TTC28: variants seen among roughly 807,000 people sequenced by gnomAD.
TTC28 encodes the protein tetratricopeptide repeat domain 28, also known as tetratricopeptide repeat protein 28.
TTC28 carries 61 observed loss-of-function variants against 198.0 expected under a neutral mutation model. The observed-to-expected ratio is 0.31, with a 90% CI of 0.25 to 0.38. TTC28 has a LOEUF of 0.38. Ranked by LOEUF, TTC28 falls within the 10% of genes least tolerant of loss-of-function variation. The pLI is 1.00. For missense variants in TTC28, 2,678 were observed against 3,164.0 expected (o/e 0.85, Z 3.69); for synonymous variants, 1,171 against 1,297.8 (o/e 0.90, Z 2.10).
At chr22:28,618,673 C>A in intron 2 of TTC28, among the ~76,000 whole-genome samples, 1 of 140,122 alleles carries the variant, frequency 7.1e-6, no homozygotes. Flanking sequence ...CAGAGCAAGA[C>A]TCTGTCTCCA....
intron 3 of TTC28, among the ~76,000 whole-genome samples, chr22:28,299,437 C>T (rs778145421): frequency 6.6e-6 from 1 of 152,000 alleles, no homozygotes; most frequent in Non-Finnish European, 1.5e-5. Context: ...CATTTTTTTC[C>T]TTCAATCAGA....
At chr22:28,030,449 C>A in intron 12 of TTC28, 83 bp from the exon 13 acceptor site, 1 of 1,509,834 alleles carries the variant, frequency 6.6e-7, no homozygotes, top group Non-Finnish European at 8.9e-7. Context: ...CTATGCCATT[C>A]TGTCACCAAA....
chr22:27,982,192 G>A lies in TTC28; in HGVS notation c.*29C>T, dbSNP rs1486933471. On this transcript the variant is annotated 3_prime_UTR_variant, in exon 23 of 23. Coordinates refer to ENST00000397906, the MANE Select transcript of TTC28 (RefSeq NM_001145418.2). The surrounding 1 kb of genome is among the most constrained non-coding windows in gnomAD (Gnocchi z 5.2). ...AACGCCAGGCCCCCATCTGCAGGCTGCTCAGAGTCAGTGGGTATAAAAGAT... is the reference window on the plus strand; with the variant it reads ...AACGCCAGGCCCCCATCTGCAGGCTACTCAGAGTCAGTGGGTATAAAAGAT... The A allele has an allele frequency of 6.9e-6, 10 of 1,457,134 alleles. No individual in the cohort carries two copies. The highest frequency in any genetic ancestry group is 8.2e-6 in the Non-Finnish European group (9 of 1,103,756). 90.3% of individuals were successfully genotyped at this position (1,457,134 alleles called of 1,614,324 possible).
chr22:28,049,001 GA>G (rs1601559796), intron 12 of TTC28, among the ~76,000 whole-genome samples: 1 of 152,272 alleles, frequency 6.6e-6, no homozygotes, highest in East Asian at 1.9e-4. Flanking sequence ...CCTACTAGGT[GA>G]ATAACTCCTT....
intron 12 of TTC28, among the ~76,000 whole-genome samples, chr22:28,046,732 C>A (rs1939878778): frequency 6.6e-6 from 1 of 152,110 alleles, no homozygotes; most frequent in African/African-American, 2.4e-5. Flanking sequence ...AATATATACA[C>A]AGGCTGCCTG....
intron 12 of TTC28, among the ~76,000 whole-genome samples, chr22:28,040,721 G>A (rs1202906940): frequency 6.6e-6 from 1 of 152,146 alleles, no homozygotes; most frequent in East Asian, 1.9e-4. Flanking sequence ...ACATAGTGTT[G>A]GAAGTTCTGG....
chr22:28,115,431 T>A (rs1345073894), intron 6 of TTC28, among the ~76,000 whole-genome samples: 1 of 152,198 alleles, frequency 6.6e-6, no homozygotes, highest in East Asian at 1.9e-4. Flanking sequence ...ACACAAATAT[T>A]TGCATCATGT....
intron 13 of TTC28, among the ~76,000 whole-genome samples, chr22:28,017,549 C>A (rs909655635): frequency 1.3e-5 from 2 of 152,136 alleles, no homozygotes; most frequent in African/African-American, 2.4e-5. Flanking sequence ...AACAGAGGAA[C>A]AACATAGGGA....
chr22:27,993,194 C>T, intron 18 of TTC28, 93 bp downstream of exon 18: 3 of 1,190,912 alleles, frequency 2.5e-6, no homozygotes, highest in African/African-American at 1.5e-5. Context: ...GCTGGGAGAT[C>T]CAGCATCCTC....
intron 2 of TTC28, among the ~76,000 whole-genome samples, chr22:28,511,496 C>T (rs963443143): frequency 6.6e-6 from 1 of 152,024 alleles, no homozygotes; most frequent in Non-Finnish European, 1.5e-5. Flanking sequence ...ACACCATATA[C>T]AAAAATCAAC....
chr22:28,434,803 A>G (rs1391435236), intron 2 of TTC28, among the ~76,000 whole-genome samples: 1 of 152,002 alleles, frequency 6.6e-6, no homozygotes, highest in African/African-American at 2.4e-5. Context: ...TGTCCAAACA[A>G]TCAGTTCCCA....
At chr22:28,118,033 T>A (rs910185700) in intron 6 of TTC28, among the ~76,000 whole-genome samples, 1 of 152,208 alleles carries the variant, frequency 6.6e-6, no homozygotes, top group African/African-American at 2.4e-5. Flanking sequence ...TATGCTTGTA[T>A]CAAAATATCT....
intron 2 of TTC28, among the ~76,000 whole-genome samples, chr22:28,596,450 T>C (rs1321887287): frequency 6.6e-6 from 1 of 152,208 alleles, no homozygotes; most frequent in Non-Finnish European, 1.5e-5. Flanking sequence ...ATAATACTTA[T>C]TGCTTATTTG....
At chr22:28,079,786 T>C (rs1047686720) in intron 12 of TTC28, among the ~76,000 whole-genome samples, 1 of 152,128 alleles carries the variant, frequency 6.6e-6, no homozygotes, top group East Asian at 1.9e-4. Flanking sequence ...TGGTGTACAG[T>C]GGCACGATCA....
intron 2 of TTC28, among the ~76,000 whole-genome samples, chr22:28,534,951 T>C (rs998779824): frequency 2.0e-5 from 3 of 152,032 alleles, no homozygotes; most frequent in African/African-American, 7.2e-5. Flanking sequence ...TGAGGAGATA[T>C]ACCTAATGTA....
At chr22:28,573,995 C>A (rs1464502067) in intron 2 of TTC28, among the ~76,000 whole-genome samples, 1 of 152,036 alleles carries the variant, frequency 6.6e-6, no homozygotes, top group Non-Finnish European at 1.5e-5. Flanking sequence ...AAGCTCCAGT[C>A]CTATTCACGT....
chr22:27,998,239 T>C (rs940805000), intron 16 of TTC28: 5 of 473,772 alleles, frequency 1.1e-5, no homozygotes, highest in African/African-American at 9.7e-5. Flanking sequence ...TCTACAGTCA[T>C]GGGTTAAATG....
chr22:28,189,980 T>C (rs1924580048), intron 5 of TTC28, among the ~76,000 whole-genome samples: 2 of 152,248 alleles, frequency 1.3e-5, no homozygotes, highest in Admixed American at 6.5e-5. Flanking sequence ...GTCTAGTTAC[T>C]ACTAGAGCAT....
At chr22:28,489,877 G>C (rs1054459746) in intron 2 of TTC28, among the ~76,000 whole-genome samples, 1 of 152,268 alleles carries the variant, frequency 6.6e-6, no homozygotes, top group African/African-American at 2.4e-5. Context: ...ATAAAGGGGA[G>C]TTTATTAAGT....
Sources: allele counts gnomAD v4.1 joint callset (sites outside exome capture counted in the v4.1 genomes callset), GRCh38; gene constraint gnomAD v4.1.1; non-coding constraint Gnocchi (gnomAD v3.1); transcripts MANE v1.5; gene names NCBI Gene and HGNC (gene_info 2026-07-23, HGNC 2026-07-21).